Variants in PARD3 observed in about 807,000 individuals in gnomAD.
The protein encoded by PARD3 is par-3 family cell polarity regulator.
A neutral mutation model predicts 155.4 loss-of-function variants in PARD3; 75 were observed. That is an observed-to-expected ratio of 0.48 (90% CI 0.40 to 0.58). The LOEUF (loss-of-function observed/expected upper bound fraction) is 0.58. Ranked by LOEUF, PARD3 falls within the 20% of genes least tolerant of loss-of-function variation. PARD3 has a pLI of 0.00. For missense variants in PARD3, 1,642 were observed against 1,721.7 expected, an observed-to-expected ratio of 0.95 and a Z score of 0.82; for synonymous variants, 576 against 610.5, an observed-to-expected ratio of 0.94 and a Z score of 0.83.
chr10:34,501,653 T>A (rs1468452308), intron 3 of PARD3, among the ~76,000 whole-genome samples: 1 of 152,122 alleles, frequency 6.6e-6, no homozygotes, highest in Non-Finnish European at 1.5e-5. Context: ...ATTTGTAAAG[T>A]GCGTTATTTT....
intron 16 of PARD3, among the ~76,000 whole-genome samples, chr10:34,340,090 C>T (rs1836642233): frequency 2.0e-5 from 3 of 152,302 alleles, no homozygotes; most frequent in Admixed American, 2.0e-4. Context: ...ACCCTTCATT[C>T]ATATTATTTT....
intron 1 of PARD3, among the ~76,000 whole-genome samples, chr10:34,732,104 G>A (rs2094828947): frequency 6.6e-6 from 1 of 152,046 alleles, no homozygotes; most frequent in Non-Finnish European, 1.5e-5. Flanking sequence ...AGGGCTATTC[G>A]ATGAAAACAT....
intron 9 of PARD3, 119 bp from the exon 10 acceptor site, chr10:34,378,225 TTTC>T: frequency 4.3e-6 from 3 of 704,018 alleles, no homozygotes; most frequent in Non-Finnish European, 7.0e-6. Flanking sequence ...ATGGTCCACA[TTTC>T]TTCTACTACT....
chr10:34,307,703 A>C (rs1439064068), intron 20 of PARD3, among the ~76,000 whole-genome samples: 2 of 152,136 alleles, frequency 1.3e-5, no homozygotes, highest in Non-Finnish European at 2.9e-5. Context: ...GACTTCAGAG[A>C]GGCCTCAGAC....
At chr10:34,183,285 C>T (rs1345001850) in intron 22 of PARD3, among the ~76,000 whole-genome samples, 3 of 152,142 alleles carry the variant, frequency 2.0e-5, no homozygotes, top group African/African-American at 4.8e-5. Flanking sequence ...TGGAGTGCAG[C>T]GGGGTGATCA....
intron 20 of PARD3, among the ~76,000 whole-genome samples, chr10:34,301,168 A>G (rs1362057969): frequency 6.6e-6 from 1 of 152,218 alleles, no homozygotes; most frequent in East Asian, 1.9e-4. Flanking sequence ...TTGAACAAGC[A>G]TTAGCATCAG....
At chr10:34,277,886 G>T (rs1197535436) in intron 21 of PARD3, among the ~76,000 whole-genome samples, 1 of 152,118 alleles carries the variant, frequency 6.6e-6, no homozygotes, top group East Asian at 1.9e-4. Flanking sequence ...TGAAAGTGAG[G>T]GTAGAATTTT....
intron 20 of PARD3, among the ~76,000 whole-genome samples, chr10:34,302,195 G>A (rs538971159): frequency 6.6e-6 from 1 of 152,152 alleles, no homozygotes; most frequent in East Asian, 1.9e-4. Context: ...CATCTAAATG[G>A]TGTTTTTCAA....
intron 2 of PARD3, among the ~76,000 whole-genome samples, chr10:34,526,080 C>CAAAA (rs765686445): frequency 5.8e-5 from 3 of 51,828 alleles, no homozygotes; most frequent in African/African-American, 1.4e-4. Flanking sequence ...GACTCCGTAT[C>CAAAA]AAAAAAAAAA....
intron 2 of PARD3, among the ~76,000 whole-genome samples, chr10:34,573,397 G>C (rs946589764): frequency 6.6e-6 from 1 of 151,498 alleles, no homozygotes; most frequent in Non-Finnish European, 1.5e-5. Flanking sequence ...TACAGTCTTC[G>C]CTAAGTAAGA....
intron 15 of PARD3, chr10:34,345,366 T>C: frequency 3.0e-6 from 3 of 985,160 alleles, no homozygotes; most frequent in Non-Finnish European, 3.6e-6. Flanking sequence ...ACATAGGGGA[T>C]TACTCCATAT....
chr10:34,337,710 A>T (rs1012251852), intron 16 of PARD3, among the ~76,000 whole-genome samples: 5 of 152,242 alleles, frequency 3.3e-5, no homozygotes, highest in Non-Finnish European at 5.9e-5. Flanking sequence ...TTGACAATAC[A>T]GAATTATTTC....
At chr10:34,135,862 A>G (rs944098139) in intron 22 of PARD3, among the ~76,000 whole-genome samples, 3 of 152,252 alleles carry the variant, frequency 2.0e-5, no homozygotes, top group African/African-American at 7.2e-5. Context: ...ACTTACACGT[A>G]TATGAATTCA....
intron 2 of PARD3, among the ~76,000 whole-genome samples, chr10:34,650,739 C>T (rs2092984794): frequency 6.6e-6 from 1 of 152,164 alleles, no homozygotes; most frequent in Non-Finnish European, 1.5e-5. Flanking sequence ...CAGCCGGGCA[C>T]AGCGGCTCAC....
chr10:34,687,212 C>A (rs936058078), intron 2 of PARD3, among the ~76,000 whole-genome samples: 1 of 151,814 alleles, frequency 6.6e-6, no homozygotes, highest in African/African-American at 2.4e-5. Context: ...CCTAATGGGG[C>A]AGTAATTTTA....
At chr10:34,453,874 C>T (rs2077190662) in intron 4 of PARD3, among the ~76,000 whole-genome samples, 1 of 152,214 alleles carries the variant, frequency 6.6e-6, no homozygotes, top group African/African-American at 2.4e-5. Flanking sequence ...AAGGTCTGCA[C>T]TTTTCCACTG....
At chr10:34,675,163 AT>A (rs2093682016) in intron 2 of PARD3, among the ~76,000 whole-genome samples, 1 of 152,162 alleles carries the variant, frequency 6.6e-6, no homozygotes, top group Non-Finnish European at 1.5e-5. Context: ...TATAATTTAT[AT>A]CTCTAATTTA....
intron 1 of PARD3, 21 bp downstream of exon 1, chr10:34,814,855 C>T (rs775212617): frequency 1.4e-6 from 2 of 1,478,794 alleles, no homozygotes; most frequent in South Asian, 2.5e-5. Flanking sequence ...CCCCTCCCCG[C>T]CCGCGCCCCC....
intron 2 of PARD3, among the ~76,000 whole-genome samples, chr10:34,518,222 A>G (rs1262335184): frequency 6.6e-6 from 1 of 152,178 alleles, no homozygotes; most frequent in African/African-American, 2.4e-5. Context: ...AAATACACCG[A>G]CAAATGGGTA....
Sources: gnomAD v4.1 joint callset for allele counts (sites outside exome capture counted in the v4.1 genomes callset) on GRCh38, gnomAD v4.1.1 for gene constraint, MANE v1.5 for transcripts, NCBI Gene and HGNC (gene_info 2026-07-23, HGNC 2026-07-21) for gene names.